The following GPR158 variants were observed in gnomAD, a reference collection of about 807,000 sequenced individuals.
GPR158 encodes G protein-coupled receptor 158, also known as metabotropic glycine receptor.
In GPR158, 30 loss-of-function variants were observed where a neutral mutation model predicts 78.2. That is an observed-to-expected ratio of 0.38 (90% CI 0.29 to 0.52). The LOEUF (loss-of-function observed/expected upper bound fraction) is 0.52. Ranked by LOEUF, GPR158 falls within the 20% of genes least tolerant of loss-of-function variation. GPR158 has a pLI of 0.83. For synonymous variants in GPR158, 581 were observed against 591.1 expected, an observed-to-expected ratio of 0.98 and a Z score of 0.25; for missense variants, 1,463 against 1,523.5, an observed-to-expected ratio of 0.96 and a Z score of 0.66.
intron 2 of GPR158, among the ~76,000 whole-genome samples, chr10:25,312,566 TGGAA>T (rs1263182174): frequency 6.6e-6 from 1 of 152,262 alleles, no homozygotes; most frequent in African/African-American, 2.4e-5. Flanking sequence ...CAATTTTTCT[TGGAA>T]GGAAAATGGT....
Position 25,314,905 on chromosome 10 carries a change from T to TACACACAC in GPR158, c.1009-80988_1009-80981dup, listed in dbSNP as rs34451547. Among the ~76,000 whole-genome samples the TACACACAC allele has an allele frequency of 2.5e-3, 347 of 137,350 alleles. 2 individuals carry two copies. The highest frequency in any genetic ancestry group is 0.011 in the Middle Eastern group (3 of 276). The allele number at this position is 137,350 out of a possible 152,430, so 90.1% of individuals were successfully genotyped here. ...TATATATGACTAATGAGTTTACACATACACACACACACACACACACACACA... is the reference window on the plus strand; with the variant it reads ...TATATATGACTAATGAGTTTACACATACACACACACACACACACACACACACACACACA... On this transcript the variant is annotated intron_variant, in intron 2 of 10. Transcript: ENST00000376351.
intron 2 of GPR158, among the ~76,000 whole-genome samples, chr10:25,304,130 G>C (rs1480578807): frequency 1.3e-5 from 2 of 151,032 alleles, no homozygotes; most frequent in Non-Finnish European, 2.9e-5. Flanking sequence ...TCGTTTACTT[G>C]TTTGTTTTTG....
At chr10:25,533,979 T>G (rs868478589) in intron 5 of GPR158, among the ~76,000 whole-genome samples, 8 of 152,196 alleles carry the variant, frequency 5.3e-5, no homozygotes, top group South Asian at 4.1e-4. Flanking sequence ...AAACAAGTTA[T>G]TTTATGTAGG....
chr10:25,543,135 T>TTC (rs1836611363), intron 5 of GPR158, among the ~76,000 whole-genome samples: 1 of 152,158 alleles, frequency 6.6e-6, no homozygotes, highest in South Asian at 2.1e-4. Context: ...TATTTTTATT[T>TTC]TTTGAGATGG....
At chr10:25,231,027 C>T (rs1356865064) in intron 2 of GPR158, among the ~76,000 whole-genome samples, 1 of 152,126 alleles carries the variant, frequency 6.6e-6, no homozygotes, top group Non-Finnish European at 1.5e-5. Flanking sequence ...TGTTTCCATC[C>T]GAAAGAATAC....
At chr10:25,416,407 G>C (rs1834660611) in intron 4 of GPR158, among the ~76,000 whole-genome samples, 2 of 152,096 alleles carry the variant, frequency 1.3e-5, no homozygotes, top group Admixed American at 6.6e-5. Flanking sequence ...CTTTTCAGGA[G>C]TGATTACTTA....
intron 1 of GPR158, among the ~76,000 whole-genome samples, chr10:25,187,899 A>C (rs1852710725): frequency 6.6e-6 from 1 of 152,178 alleles, no homozygotes; most frequent in Non-Finnish European, 1.5e-5. Context: ...GTCTCAGCCC[A>C]AAATCTCCGT....
chr10:25,364,514 G>T (rs1855690795), intron 2 of GPR158, among the ~76,000 whole-genome samples: 1 of 151,738 alleles, frequency 6.6e-6, no homozygotes, highest in African/African-American at 2.4e-5. Flanking sequence ...ATCTCACAAA[G>T]GAAATGAGGG....
chr10:25,416,207 G>A (rs1834658165), intron 4 of GPR158, among the ~76,000 whole-genome samples: 1 of 151,980 alleles, frequency 6.6e-6, no homozygotes, highest in Non-Finnish European at 1.5e-5. Flanking sequence ...CCCACATTGG[G>A]GGCCAAGTAT....
At chr10:25,209,603 G>T (rs192029666) in intron 1 of GPR158, among the ~76,000 whole-genome samples, 3 of 152,236 alleles carry the variant, frequency 2.0e-5, no homozygotes, top group Non-Finnish European at 4.4e-5. Flanking sequence ...TAACTGAAAA[G>T]TGTTACAGAT....
chr10:25,312,802 C>T (rs1854784650), intron 2 of GPR158, among the ~76,000 whole-genome samples: 1 of 152,106 alleles, frequency 6.6e-6, no homozygotes, highest in South Asian at 2.1e-4. Context: ...GAAATTGAAT[C>T]ATTTTCTTCT....
intron 2 of GPR158, among the ~76,000 whole-genome samples, chr10:25,289,716 A>G (rs7071712): frequency 1 from 152,236 of 152,272 alleles, 76,100 homozygotes; most frequent in Middle Eastern, 1. Context: ...CACCGCGCCC[A>G]GCCGAACATT....
At chr10:25,212,130 A>G (rs1282462419) in intron 1 of GPR158, among the ~76,000 whole-genome samples, 3 of 152,128 alleles carry the variant, frequency 2.0e-5, no homozygotes, top group East Asian at 1.9e-4. Flanking sequence ...AGAGAATGGC[A>G]TGTGTGTCAG....
intron 2 of GPR158, among the ~76,000 whole-genome samples, chr10:25,394,174 C>G (rs557866667): frequency 6.6e-6 from 1 of 152,288 alleles, no homozygotes; most frequent in African/African-American, 2.4e-5. Context: ...TTCTTTTCCT[C>G]TTATACCCTG....
At chr10:25,418,441 C>T (rs905747709) in intron 4 of GPR158, among the ~76,000 whole-genome samples, 7 of 152,100 alleles carry the variant, frequency 4.6e-5, no homozygotes, top group Non-Finnish European at 7.4e-5. Context: ...ACTAATTACA[C>T]ACATTTGTCC....
intron 4 of GPR158, among the ~76,000 whole-genome samples, chr10:25,419,314 A>G (rs573313095): frequency 2.0e-4 from 30 of 152,314 alleles, no homozygotes; most frequent in African/African-American, 6.5e-4. Flanking sequence ...ATATGGTACC[A>G]TATATTATAA....
intron 4 of GPR158, among the ~76,000 whole-genome samples, chr10:25,421,442 G>C (rs1834749965): frequency 6.6e-6 from 1 of 152,142 alleles, no homozygotes; most frequent in Admixed American, 6.5e-5. Context: ...TAGAAGCCAA[G>C]ACCTGTAGCA....
chr10:25,499,504 A>C (rs7090929), intron 5 of GPR158, among the ~76,000 whole-genome samples: 22,720 of 152,210 alleles, frequency 0.15, 2,812 homozygotes, highest in African/African-American at 0.33. Context: ...CCTTTGAACT[A>C]ATCACCTGTT....
rs1324032823 is a variant in GPR158 at position 25,241,387 on chromosome 10, T to TTTTC, written c.1008+20231_1008+20232insTTCT. Reference sequence around the variant, plus strand: ...CTTTTCTTTTCTCTCTTCTCTTCTCTTCTCTTCTCTTCTCTTCTCTTCTCT... The same window carrying TTTTC: ...CTTTTCTTTTCTCTCTTCTCTTCTCTTTTCTCTCTTCTCTTCTCTTCTCTTCTCT... On this transcript the variant is annotated intron_variant, in intron 2 of 10. Transcript: ENST00000376351. Among the ~76,000 whole-genome samples, 17 of 135,386 alleles carry TTTTC rather than the reference T, an allele frequency of 1.3e-4. 1 individual carries two copies. The highest frequency in any genetic ancestry group is 5.4e-4 in the African/African-American group (17 of 31,206). 88.8% of individuals were successfully genotyped at this position (135,386 alleles called of 152,430 possible).
Sources: allele counts gnomAD v4.1 joint callset (sites outside exome capture counted in the v4.1 genomes callset), GRCh38; gene constraint gnomAD v4.1.1; transcripts MANE v1.5; gene names NCBI Gene and HGNC (gene_info 2026-07-23, HGNC 2026-07-21).